Variants in TUFT1 observed in about 807,000 individuals in gnomAD.
TUFT1 encodes tuftelin 1.
Under a neutral mutation model 57.8 loss-of-function variants are expected in TUFT1, and 43 were observed. The observed-to-expected ratio is 0.74, with a 90% CI of 0.58 to 0.96. The LOEUF (loss-of-function observed/expected upper bound fraction) is 0.96. TUFT1 is among the 40% of genes least tolerant of loss of function. The pLI is 0.00. For synonymous variants in TUFT1, 166 were observed against 176.7 expected (o/e 0.94, Z 0.48); for missense variants, 459 against 489.0 (o/e 0.94, Z 0.58).
intron 1 of TUFT1, among the ~76,000 whole-genome samples, chr1:151,546,181 G>A (rs1287597462): frequency 6.6e-6 from 1 of 151,412 alleles, no homozygotes; most frequent in Non-Finnish European, 1.5e-5. Flanking sequence ...GGGTGGACTT[G>A]GAATTTTTTT....
At chr1:151,568,956 G>A (rs1171378600) in intron 6 of TUFT1, among the ~76,000 whole-genome samples, 1 of 152,166 alleles carries the variant, frequency 6.6e-6, no homozygotes, top group Non-Finnish European at 1.5e-5. Context: ...CAGAGACTGG[G>A]ACACTGTCTT....
chr1:151,566,911 T>C (rs966459010), intron 6 of TUFT1, among the ~76,000 whole-genome samples: 2 of 152,138 alleles, frequency 1.3e-5, no homozygotes, highest in African/African-American at 4.8e-5. Flanking sequence ...ACTTGATTGA[T>C]TGACTGATTG....
chr1:151,579,796 G>A, intron 11 of TUFT1, 64 bp downstream of exon 11: 1 of 1,513,478 alleles, frequency 6.6e-7, no homozygotes, highest in South Asian at 1.2e-5. Context: ...ACATAAGGGA[G>A]ACAGAGGTTA....
chr1:151,567,857 A>G (rs1224223033), intron 6 of TUFT1, among the ~76,000 whole-genome samples: 3 of 152,190 alleles, frequency 2.0e-5, no homozygotes, highest in Non-Finnish European at 4.4e-5. Context: ...CCATTACTGT[A>G]TTTTTAAAAA....
chr1:151,572,366 A>G (rs1215671721), intron 7 of TUFT1, among the ~76,000 whole-genome samples: 8 of 151,702 alleles, frequency 5.3e-5, no homozygotes, highest in Non-Finnish European at 1.5e-5. Context: ...AGGGGAGTCT[A>G]TTTTTTTTAA....
At chr1:151,541,188 G>T (rs1456934290) in intron 1 of TUFT1, among the ~76,000 whole-genome samples, 4 of 152,152 alleles carry the variant, frequency 2.6e-5, no homozygotes, top group African/African-American at 9.7e-5. Context: ...AGGGGATGCA[G>T]AACCCGGGCC....
In TUFT1 at chr1:151,581,671, G is replaced by A. The variant is rs113866428; in HGVS notation, c.1137G>A (p.Pro379=). ...TTAGGATATCCAAGCCGCCTAGCCC[G>A]AAGCCCATGCCTGTCATCCGAGTGG... ...GSIRISKPPS[P]KPMPVIRVVE... is the part of the protein sequence containing the mutation. The change falls in exon 13 of 13, where the codon CCG becomes CCA. Residue 379 remains proline, a synonymous_variant. Transcript: ENST00000368849. The A allele has an allele frequency of 5.0e-4, 801 of 1,614,132 alleles. 7 individuals are homozygous for A. In the South Asian group the frequency reaches 7.9e-3, roughly 16 times the overall value.
At chr1:151,563,182 G>A (rs1436744312) in intron 3 of TUFT1, among the ~76,000 whole-genome samples, 1 of 152,032 alleles carries the variant, frequency 6.6e-6, no homozygotes, top group Admixed American at 6.6e-5. Context: ...AGCCCACCTG[G>A]CTGATGGAAC....
Position 151,540,319 on chromosome 1 carries a change from A to T in TUFT1, c.-48A>T. ...CGCGCGCGCCCGCCCAGTTGGAGCCAGACAGCGGGGTGGACAAGTGGCGTG... is the reference window on the plus strand; with the variant it reads ...CGCGCGCGCCCGCCCAGTTGGAGCCTGACAGCGGGGTGGACAAGTGGCGTG... On this transcript the variant is annotated 5_prime_UTR_variant, in exon 1 of 13. Coordinates refer to ENST00000368849, the MANE Select transcript of TUFT1 (RefSeq NM_020127.3). The T allele has an allele frequency of 1.2e-6, 2 of 1,613,272 alleles. No homozygotes were observed. Among genetic ancestry groups the T allele is most frequent in the Non-Finnish European group, 1.7e-6 (2 of 1,179,492 alleles).
At chr1:151,549,922 A>G (rs1418662927) in intron 1 of TUFT1, among the ~76,000 whole-genome samples, 1 of 152,098 alleles carries the variant, frequency 6.6e-6, no homozygotes, top group East Asian at 1.9e-4. Flanking sequence ...GGGTCTCATT[A>G]TGTTGCCCAG....
At chr1:151,544,549 G>A (rs1665274147) in intron 1 of TUFT1, among the ~76,000 whole-genome samples, 1 of 152,040 alleles carries the variant, frequency 6.6e-6, no homozygotes, top group Non-Finnish European at 1.5e-5. Context: ...TGCCCGCTTC[G>A]GCCTTCCAAA....
intron 1 of TUFT1, among the ~76,000 whole-genome samples, chr1:151,542,816 A>C (rs1288097437): frequency 6.6e-6 from 1 of 152,212 alleles, no homozygotes. Context: ...GATGGTGAAC[A>C]GTCGGGACAC....
chr1:151,549,355 G>T (rs1475276217), intron 1 of TUFT1, among the ~76,000 whole-genome samples: 1 of 152,120 alleles, frequency 6.6e-6, no homozygotes. Context: ...CTGGGTTGGG[G>T]GTGCAGGCCG....
chr1:151,581,861 G>C lies in TUFT1; in HGVS notation c.*154G>C. The C allele has an allele frequency of 1.3e-6, 1 of 757,384 alleles. No individual in the cohort carries two copies. The highest frequency in any genetic ancestry group is 2.3e-6 in the Non-Finnish European group (1 of 443,128). 46.9% of individuals were successfully genotyped at this position (757,384 alleles called of 1,614,324 possible). On this transcript the variant is annotated 3_prime_UTR_variant, in exon 13 of 13. Coordinates refer to ENST00000368849, the MANE Select transcript of TUFT1 (RefSeq NM_020127.3). ...TGTGTCTCACCATTCCCAAGCCCCT[G>C]GCCACTCTAAGCTGGGCAGACGGAG...
chr1:151,576,307 T>A (rs537088294), intron 9 of TUFT1, among the ~76,000 whole-genome samples: 50 of 152,300 alleles, frequency 3.3e-4, no homozygotes, highest in African/African-American at 1.2e-3. Context: ...AGAAGAAGAC[T>A]GTTCCTCTAC....
intron 1 of TUFT1, among the ~76,000 whole-genome samples, chr1:151,552,707 CAAAAAA>C (rs869244649): frequency 4.5e-4 from 24 of 53,488 alleles, no homozygotes; most frequent in Middle Eastern, 0.028. Flanking sequence ...GACTCTGTCT[CAAAAAA>C]AAAAAAAAAA....
In TUFT1 at chr1:151,578,755, C is replaced by T. The variant is rs781074606; in HGVS notation, c.853C>T (p.Arg285Trp). Residue 285 changes from arginine to tryptophan, a missense_variant, in exon 10 of 13, where the codon CGG (arginine) becomes TGG (tryptophan). Arg to Trp is a moderately radical substitution (Grantham distance 101). Coordinates refer to ENST00000368849, the MANE Select transcript of TUFT1 (RefSeq NM_020127.3). ...ATLEKEVAGL[R>W]EKIHHLDDML... ...CCTGGAAAAGGAAGTGGCCGGGTTG[C>T]GGGAGAAGATCCACCACTTGGATGA... is the stretch of plus-strand genomic sequence containing the variant. 5.7e-6 allele frequency: 9 copies of T among 1,581,294 alleles called. No homozygotes were observed. The highest frequency in any genetic ancestry group is 1.2e-5 in the South Asian group (1 of 86,750).
At position 151,583,073 on chromosome 1, in the gene TUFT1, C is replaced by G. The variant is rs1666692161; in HGVS notation, c.*1366C>G. 6.6e-6 allele frequency: 1 copy of G among 152,028 alleles called. No individual in the cohort carries two copies. Among genetic ancestry groups the G allele is most frequent in the Admixed American group, 6.6e-5 (1 of 15,244 alleles). The allele number at this position is 152,028 out of a possible 1,614,324, so 9.4% of individuals were successfully genotyped here. The stretch of plus-strand genomic sequence containing the variant: ...GCCTCAGCCTCCCGAGTAGCTGGGA[C>G]TACAGGTGTGCCACCACGCCTGGCT... On this transcript the variant is annotated 3_prime_UTR_variant, in exon 13 of 13. Transcript: ENST00000368849.
In TUFT1 at chr1:151,574,303, C is replaced by T. The variant is rs777339738; in HGVS notation, c.628C>T (p.Gln210Ter). The change falls in exon 8 of 13, where the codon CAA becomes TAA. Residue 210 changes from glutamine (Q) to a stop codon, truncating the protein, a stop_gained. Transcript: ENST00000368849. LOFTEE classifies it high-confidence loss of function. ...CAGCCGGTACCAGAGGGAAGCAGAA[C>T]AAAGTAATGTGGCCCTTCAGAGAGA... ...TLSRYQREAE[Q>*]SNVALQREED... 6 of 1,614,122 alleles carry T rather than the reference C, an allele frequency of 3.7e-6. No individual in the cohort carries two copies. The Admixed American group carries it at 5.0e-5, about 13-fold the overall frequency.
Sources: allele counts gnomAD v4.1 joint callset (sites outside exome capture counted in the v4.1 genomes callset), GRCh38; gene constraint gnomAD v4.1.1; transcripts MANE v1.5; gene names NCBI Gene and HGNC (gene_info 2026-07-23, HGNC 2026-07-21).